Variants in NBPF20 observed in about 807,000 individuals in gnomAD.
NBPF20 encodes the protein NBPF member 20.
NBPF20 carries 90 observed loss-of-function variants against 68.1 expected under a neutral mutation model. The observed-to-expected ratio is 1.32, with a 90% CI of 1.11 to 1.58. NBPF20 has a LOEUF of 1.58. Ranked by LOEUF, NBPF20 falls within the 40% of genes most tolerant of loss-of-function variation. NBPF20 has a pLI of 0.00. For synonymous variants in NBPF20, 290 were observed against 228.1 expected, an observed-to-expected ratio of 1.27 and a Z score of -2.45; for missense variants, 816 against 601.2, an observed-to-expected ratio of 1.36 and a Z score of -3.74.
intron 9 of NBPF20, among the ~76,000 whole-genome samples, 155 bp from the exon 15 acceptor site, chr1:145,393,401 A>C (rs1410910219): frequency 6.6e-6 from 1 of 151,958 alleles, no homozygotes; most frequent in African/African-American, 2.4e-5. Context: ...GTTGGGATAG[A>C]CTAGGGCCAG....
intron 7 of NBPF20, among the ~76,000 whole-genome samples, chr1:145,397,639 T>G (rs1260471630): frequency 6.6e-6 from 1 of 152,148 alleles, no homozygotes; most frequent in South Asian, 2.1e-4. Context: ...CATGCCAAAC[T>G]GTAAAGACCA....
chr1:145,423,439 C>A, the NBPF20 span, among the ~76,000 whole-genome samples: 2 of 130,868 alleles, frequency 1.5e-5, no homozygotes, highest in African/African-American at 2.9e-5. Flanking sequence ...GATCTTGTCT[C>A]AAAAAGAAAA....
intron 7 of NBPF20, among the ~76,000 whole-genome samples, chr1:145,395,675 G>A (rs1247206054): frequency 3.4e-5 from 5 of 148,736 alleles, no homozygotes. Context: ...AAACACATCG[G>A]AGAGAATAGG....
intron 29 of NBPF20, 130 bp downstream of exon 34, chr1:145,377,913 A>C: frequency 2.8e-6 from 1 of 354,322 alleles, no homozygotes; most frequent in Non-Finnish European, 5.0e-6. Context: ...AATGAAAACC[A>C]ACAGCAATGT....
chr1:145,410,313 T>G (rs1363424018), upstream of NBPF20, among the ~76,000 whole-genome samples: 1 of 150,922 alleles, frequency 6.6e-6, no homozygotes, highest in Non-Finnish European at 1.5e-5. Flanking sequence ...CATTCATGTA[T>G]CTTCTTTTTT....
the NBPF20 span, among the ~76,000 whole-genome samples, chr1:145,414,072 G>A: frequency 5.7e-5 from 6 of 105,246 alleles, no homozygotes; most frequent in South Asian, 4.0e-4. Context: ...TACTGTGGTA[G>A]ATGGAATTTC....
At chr1:145,403,931 A>C (rs374129375) in intron 2 of NBPF20, among the ~76,000 whole-genome samples, 1 of 150,840 alleles carries the variant, frequency 6.6e-6, no homozygotes, top group Non-Finnish European at 1.5e-5. Context: ...AGAACTAATA[A>C]ATAGTGTTCA....
intron 8 of NBPF20, among the ~76,000 whole-genome samples, 167 bp downstream of exon 13, chr1:145,394,811 C>T (rs1452895828): frequency 1.5e-3 from 222 of 152,328 alleles, no homozygotes; most frequent in African/African-American, 5.2e-3. Flanking sequence ...CACCCCATGC[C>T]TGTGCTTCAG....
intron 7 of NBPF20, among the ~76,000 whole-genome samples, chr1:145,398,293 A>G (rs1447535794): frequency 2.0e-5 from 3 of 151,622 alleles, no homozygotes; most frequent in Non-Finnish European, 2.9e-5. Flanking sequence ...TCTCAGCACC[A>G]CATCACACTT....
intron 6 of NBPF20, among the ~76,000 whole-genome samples, chr1:145,399,813 A>G (rs1363794538): frequency 2.1e-5 from 3 of 141,486 alleles, no homozygotes; most frequent in Admixed American, 1.5e-4. Context: ...ACGATGCTAC[A>G]AAGAAACATT....
intron 6 of NBPF20, among the ~76,000 whole-genome samples, 167 bp downstream of exon 11, chr1:145,400,218 GCAGA>G (rs1411559159): frequency 2.0e-5 from 3 of 152,174 alleles, no homozygotes; most frequent in African/African-American, 7.2e-5. Context: ...CTGGGGACTG[GCAGA>G]CAAAGTCATG....
upstream of NBPF20, among the ~76,000 whole-genome samples, chr1:145,406,230 G>A (rs587769042): frequency 1.7e-3 from 253 of 151,728 alleles, no homozygotes; most frequent in African/African-American, 5.8e-3. Context: ...CACCGCGCCC[G>A]GCCGACTTCT....
exon 138 of NBPF20, chr1:145,291,055 A>T: frequency 4.7e-6 from 1 of 213,258 alleles, no homozygotes. Flanking sequence ...TACAATCCTC[A>T]ACCAAGGATC....
chr1:145,314,267 C>CACAG (rs1378367162), intron 109 of NBPF20, among the ~76,000 whole-genome samples: 14 of 126,242 alleles, frequency 1.1e-4, no homozygotes, highest in East Asian at 6.5e-4. Context: ...CACACACACA[C>CACAG]AGAGAGAGAA....
the NBPF20 span, among the ~76,000 whole-genome samples, chr1:145,421,495 G>GTA: frequency 6.6e-6 from 1 of 152,054 alleles, no homozygotes; most frequent in African/African-American, 2.4e-5. Flanking sequence ...GTTGAATATG[G>GTA]TATTAGTATG....
chr1:145,425,061 G>A, the NBPF20 span, among the ~76,000 whole-genome samples: 20 of 151,250 alleles, frequency 1.3e-4, no homozygotes, highest in East Asian at 6.2e-4. Flanking sequence ...ACACGAGGAC[G>A]TGCCCCCGAA....
chr1:145,341,028 A>T, intron 75 of NBPF20, 89 bp from the exon 81 acceptor site: 1 of 210,116 alleles, frequency 4.8e-6, no homozygotes, highest in Non-Finnish European at 9.6e-6. Flanking sequence ...CGTAAGGAAG[A>T]GTTTGAAAAG....
chr1:145,404,389 G>A (rs1281462728), intron 2 of NBPF20, among the ~76,000 whole-genome samples: 2 of 152,010 alleles, frequency 1.3e-5, no homozygotes, highest in African/African-American at 2.4e-5. Context: ...CACCCGATTA[G>A]TGGTGATTAC....
chr1:145,291,990 G>GAGAGACAGAGACAGAGAC (rs1661142418), intron 137 of NBPF20, among the ~76,000 whole-genome samples: 1 of 146,404 alleles, frequency 6.8e-6, no homozygotes, highest in South Asian at 2.1e-4. Context: ...GAGACAGAGA[G>GAGAGACAGAGACAGAGAC]AGAGAGAAAG....
Sources: gnomAD v4.1 joint callset for allele counts (sites outside exome capture counted in the v4.1 genomes callset) on GRCh38, gnomAD v4.1.1 for gene constraint, MANE v1.5 for transcripts, NCBI Gene and HGNC (gene_info 2026-07-23, HGNC 2026-07-21) for gene names.